Variants in CCDC141 observed in about 807,000 individuals in gnomAD.
CCDC141 encodes coiled-coil domain-containing protein 141.
In CCDC141, 168 loss-of-function variants were observed where a neutral mutation model predicts 181.0. The ratio of observed to expected loss-of-function variants is 0.93; its 90% CI spans 0.82 to 1.05. CCDC141 has a LOEUF of 1.05. Ranked by LOEUF, CCDC141 falls within the 50% of genes least tolerant of loss-of-function variation. The pLI, the probability that CCDC141 is intolerant of heterozygous loss-of-function variation, is 0.00. For missense variants in CCDC141, 1,902 were observed against 1,788.5 expected, an observed-to-expected ratio of 1.06 and a Z score of -1.14; for synonymous variants, 666 against 642.3, an observed-to-expected ratio of 1.04 and a Z score of -0.56.
intron 8 of CCDC141, among the ~76,000 whole-genome samples, chr2:178,892,179 C>A (rs1372565805): frequency 1.3e-5 from 2 of 152,030 alleles, no homozygotes; most frequent in Non-Finnish European, 1.5e-5. Context: ...TATGCTTTAG[C>A]ATTTATAGTT....
chr2:178,884,153 A>C (rs888748642), intron 11 of CCDC141, among the ~76,000 whole-genome samples: 8 of 152,088 alleles, frequency 5.3e-5, no homozygotes, highest in African/African-American at 1.9e-4. Context: ...TGCATATACC[A>C]CAGTATCCAC....
intron 17 of CCDC141, among the ~76,000 whole-genome samples, chr2:178,858,942 C>A (rs1182373871): frequency 6.6e-6 from 1 of 152,052 alleles, no homozygotes. Flanking sequence ...TAATTCTCAA[C>A]CATGAGATTT....
chr2:178,988,790 T>G (rs1691886243), intron 2 of CCDC141, among the ~76,000 whole-genome samples: 1 of 152,134 alleles, frequency 6.6e-6, no homozygotes, highest in Non-Finnish European at 1.5e-5. Context: ...AATGGTGTAT[T>G]GACATAAGGA....
chr2:179,012,666 A>C (rs2042303978), intron 2 of CCDC141, among the ~76,000 whole-genome samples: 2 of 152,154 alleles, frequency 1.3e-5, no homozygotes, highest in African/African-American at 4.8e-5. Flanking sequence ...TAACCAAAAA[A>C]GAAAACTACA....
intron 7 of CCDC141, among the ~76,000 whole-genome samples, chr2:178,911,552 T>C (rs113396412): frequency 5.3e-4 from 80 of 152,208 alleles, no homozygotes; most frequent in Non-Finnish European, 9.8e-4. Flanking sequence ...TCCAACTGTA[T>C]CCCAAAAAGA....
At chr2:178,958,434 T>A (rs1690250163) in intron 5 of CCDC141, among the ~76,000 whole-genome samples, 1 of 152,140 alleles carries the variant, frequency 6.6e-6, no homozygotes, top group Non-Finnish European at 1.5e-5. Flanking sequence ...CTCTGTACCT[T>A]TCTCTCAATT....
intron 5 of CCDC141, 95 bp from the exon 6 acceptor site, chr2:178,944,746 G>T: frequency 1.7e-5 from 8 of 473,222 alleles, no homozygotes; most frequent in South Asian, 1.7e-4. Flanking sequence ...CAAAACTTAA[G>T]CTACTTTAAT....
intron 6 of CCDC141, among the ~76,000 whole-genome samples, chr2:178,939,763 G>T (rs141330018): frequency 7.9e-5 from 12 of 152,142 alleles, no homozygotes; most frequent in African/African-American, 1.7e-4. Context: ...TGTGGTGGAG[G>T]GGGGGTGTTG....
At chr2:178,884,857 G>T in intron 11 of CCDC141, 44 bp downstream of exon 11, 2 of 1,468,608 alleles carry the variant, frequency 1.4e-6, no homozygotes, top group Non-Finnish European at 1.9e-6. Context: ...AAGGACATGG[G>T]CAGTGGCCAC....
At chr2:178,858,372 T>C (rs759894682) in intron 17 of CCDC141, among the ~76,000 whole-genome samples, 28 of 152,170 alleles carry the variant, frequency 1.8e-4, no homozygotes, top group African/African-American at 3.6e-4. Flanking sequence ...GATTGAGATA[T>C]AAAGGCGTTA....
intron 17 of CCDC141, among the ~76,000 whole-genome samples, 156 bp downstream of exon 17, chr2:178,865,611 C>T (rs1437645179): frequency 6.6e-6 from 1 of 152,184 alleles, no homozygotes; most frequent in Non-Finnish European, 1.5e-5. Context: ...GGTCACTGCT[C>T]AGTGGATTAA....
Position 179,050,009 on chromosome 2 carries a change from A to C in CCDC141, c.-68T>G. 1 of 1,546,214 alleles carries C rather than the reference A, an allele frequency of 6.5e-7. No individual in the cohort carries two copies. The stretch of plus-strand genomic sequence containing the variant: ...CAGTTGTGTGTCTGCTGGTCATTTC[A>C]GAAGGCCAGGGTTACTTGGATTCAT... On this transcript the variant is annotated 5_prime_UTR_variant, in exon 1 of 24. Coordinates refer to ENST00000443758, the MANE Select transcript of CCDC141 (RefSeq NM_173648.4).
downstream of CCDC141, among the ~76,000 whole-genome samples, chr2:178,826,909 C>G (rs145544239): frequency 7.9e-5 from 12 of 152,056 alleles, no homozygotes; most frequent in East Asian, 2.3e-3. Flanking sequence ...TTGCTATAGG[C>G]TTAAACCACT....
chr2:178,944,062 C>T (rs1411651621), intron 6 of CCDC141, among the ~76,000 whole-genome samples: 3 of 152,088 alleles, frequency 2.0e-5, no homozygotes, highest in Non-Finnish European at 1.5e-5. Flanking sequence ...TTTTAGAAAG[C>T]TAAAATGTAT....
intron 22 of CCDC141, among the ~76,000 whole-genome samples, chr2:178,838,406 T>C (rs1323290565): frequency 2.0e-5 from 3 of 152,162 alleles, no homozygotes; most frequent in African/African-American, 7.2e-5. Context: ...CCCTAATCTT[T>C]TGTCTTCCCC....
chr2:178,877,505 T>C (rs7565966), intron 12 of CCDC141: 80,508 of 169,814 alleles, frequency 0.47, 20,673 homozygotes, highest in East Asian at 0.76. Flanking sequence ...ACAGATATAA[T>C]TCAAGACAGT....
intron 2 of CCDC141, among the ~76,000 whole-genome samples, chr2:179,017,471 T>A (rs1304511240): frequency 5.9e-5 from 9 of 152,108 alleles, no homozygotes; most frequent in Non-Finnish European, 8.8e-5. Context: ...ATCATTTCTG[T>A]GCCCTTCCTT....
intron 11 of CCDC141, among the ~76,000 whole-genome samples, chr2:178,881,676 T>G (rs1234319873): frequency 6.6e-6 from 1 of 151,902 alleles, no homozygotes; most frequent in Non-Finnish European, 1.5e-5. Flanking sequence ...TCTTCCCATT[T>G]CAAGAGTCCA....
chr2:178,982,948 T>A (rs2154381323), intron 2 of CCDC141, among the ~76,000 whole-genome samples: 1 of 152,302 alleles, frequency 6.6e-6, no homozygotes, highest in East Asian at 1.9e-4. Context: ...AAGCTCGAAC[T>A]GGATGGAGCC....
Sources: allele counts gnomAD v4.1 joint callset (sites outside exome capture counted in the v4.1 genomes callset), GRCh38; gene constraint gnomAD v4.1.1; transcripts MANE v1.5; gene names NCBI Gene and HGNC (gene_info 2026-07-23, HGNC 2026-07-21).